RUSC1: variants seen among roughly 807,000 people sequenced by gnomAD.
The protein encoded by RUSC1 is RUN and SH3 domain containing 1, also known as AP-4 complex accessory subunit RUSC1.
A neutral mutation model predicts 72.1 loss-of-function variants in RUSC1; 40 were observed. That is an observed-to-expected ratio of 0.55 (90% CI 0.43 to 0.72). RUSC1 has a LOEUF of 0.72. RUSC1 is among the 30% of genes least tolerant of loss of function. The pLI is 0.00. For synonymous variants in RUSC1, 512 were observed against 494.2 expected, an observed-to-expected ratio of 1.04 and a Z score of -0.48; for missense variants, 1,092 against 1,172.3, an observed-to-expected ratio of 0.93 and a Z score of 1.00.
At chr1:155,321,482 G>T (rs767563252) in intron 1 of RUSC1, 2 of 1,475,022 alleles carry the variant, frequency 1.4e-6, no homozygotes, top group East Asian at 6.0e-5. Context: ...GACCCTCCCG[G>T]CTCCATTCCC....
In RUSC1 at chr1:155,320,945, G is replaced by C. The variant is rs1388726299; in HGVS notation, c.-133G>C. 8 of 1,565,314 alleles carry C rather than the reference G, an allele frequency of 5.1e-6. No individual in the cohort carries two copies. Among genetic ancestry groups the C allele is most frequent in the Non-Finnish European group, 6.9e-6 (8 of 1,153,766 alleles). On this transcript the variant is annotated 5_prime_UTR_variant, in exon 1 of 10. Transcript: ENST00000368352. ...TGTGCCCCGCCGGGCGGGGACCGTG[G>C]GAGCCGCGGACAAGCCCAAGGCCGG...
chr1:155,321,770 C>A lies in RUSC1; in HGVS notation c.-4C>A. ...CTAGAAGCCATCCCATCGCCGCTAGCATCATGCTGTCCCCTCAGAGAGCTT... is the reference window on the plus strand; with the variant it reads ...CTAGAAGCCATCCCATCGCCGCTAGAATCATGCTGTCCCCTCAGAGAGCTT... On this transcript the variant is annotated 5_prime_UTR_variant, in exon 2 of 10. Transcript: ENST00000368352. The A allele has an allele frequency of 1.2e-6, 2 of 1,614,016 alleles. No individual in the cohort carries two copies. Among genetic ancestry groups the A allele is most frequent in the Non-Finnish European group, 1.7e-6 (2 of 1,179,992 alleles).
chr1:155,328,052 C>T, intron 8 of RUSC1, 98 bp from the exon 9 acceptor site: 1 of 1,474,684 alleles, frequency 6.8e-7, no homozygotes, highest in Non-Finnish European at 9.1e-7. Flanking sequence ...TCTTTTGAAC[C>T]ACAATTAGGC....
Position 155,325,775 on chromosome 1 carries a change from C to T in RUSC1, c.1815-89C>T. The T allele has an allele frequency of 6.3e-7, 1 of 1,583,118 alleles. No homozygotes were observed. The highest frequency in any genetic ancestry group is 8.7e-7 in the Non-Finnish European group (1 of 1,152,598). ...CCTCACATCCCCAGAGAAGGCCCCC[C>T]CTCTTCCAATCTCATCTCCCATCCT... On this transcript the variant is annotated intron_variant, in intron 6 of 9. Transcript: ENST00000368352. This position sits in a 1 kb window ranked among gnomAD's most constrained non-coding sequence, Gnocchi z 6.5.
In RUSC1 at chr1:155,329,096, A is replaced by AT. The variant is rs1363161183; in HGVS notation, c.2540+831dup. Among the ~76,000 whole-genome samples the AT allele has an allele frequency of 2.4e-3, 358 of 149,552 alleles. 1 individual carries two copies. The highest frequency in any genetic ancestry group is 8.0e-3 in the African/African-American group (328 of 40,862). On this transcript the variant is annotated intron_variant, in intron 9 of 9. Transcript: ENST00000368352. The stretch of plus-strand genomic sequence containing the variant: ...TTTATGGTTATAGAGACTAAACATA[A>AT]TTTTTTTTTTGAGACAGAGTCTCAC...
chr1:155,330,602 C>T lies in RUSC1; in HGVS notation c.*31C>T, dbSNP rs1267914084. ...GGACCCTTTCCTGCGTATGTGTCTC[C>T]TTCCTGTCACCTGGGAATGGAATGG... On this transcript the variant is annotated 3_prime_UTR_variant, in exon 10 of 10. Coordinates refer to ENST00000368352, the MANE Select transcript of RUSC1 (RefSeq NM_001105203.2). 2.6e-6 allele frequency: 4 copies of T among 1,530,318 alleles called. No individual in the cohort carries two copies. The South Asian group carries it at 3.8e-5, about 15-fold the overall frequency. The allele number at this position is 1,530,318 out of a possible 1,614,324, so 94.8% of individuals were successfully genotyped here. A position where few individuals can be genotyped will look rare whatever the true frequency, so the allele number is the denominator to read the frequency against.
At position 155,326,653 on chromosome 1, in the gene RUSC1, A is replaced by G. The variant is rs145411349; in HGVS notation, c.1935A>G (p.Thr645=). The G allele has an allele frequency of 1.4e-3, 2,209 of 1,613,864 alleles. 3 individuals carry two copies. Among genetic ancestry groups the G allele is most frequent in the Non-Finnish European group, 1.6e-3 (1,944 of 1,180,034 alleles). ...LARGGCPSLS[T]ELLLLLQPLS... ...GCGGTGGTTGTCCCTCCCTGTCCACAGAGCTGCTGCTCCTGCTGCAGCCAT... is the reference window on the plus strand; with the variant it reads ...GCGGTGGTTGTCCCTCCCTGTCCACGGAGCTGCTGCTCCTGCTGCAGCCAT... The change falls in exon 8 of 10, where the codon ACA becomes ACG. Residue 645 remains threonine (T), a synonymous_variant. Transcript: ENST00000368352. This position sits in a 1 kb window ranked among gnomAD's most constrained non-coding sequence, Gnocchi z 4.7.
chr1:155,325,511 A>AC lies in RUSC1; in HGVS notation c.1708+24dup. On this transcript the variant is annotated intron_variant, in intron 5 of 9. Transcript: ENST00000368352. This position sits in a 1 kb window ranked among gnomAD's most constrained non-coding sequence, Gnocchi z 6.5. ...GCCAGGTGAGCCAGGAGGGCGTGGG[A>AC]CCCGGCAGTGCGCAGGGCAGGGCCG... 3 of 1,601,662 alleles carry AC rather than the reference A, an allele frequency of 1.9e-6. No individual in the cohort carries two copies. Among genetic ancestry groups the AC allele is most frequent in the Non-Finnish European group, 2.5e-6 (3 of 1,177,008 alleles).
In RUSC1 at chr1:155,326,596, G is replaced by C; in HGVS notation, c.1878G>C (p.Leu626=). 1.2e-6 allele frequency: 2 copies of C among 1,612,618 alleles called. No homozygotes were observed. Among genetic ancestry groups the C allele is most frequent in the Non-Finnish European group, 1.7e-6 (2 of 1,179,168 alleles). ...LQEDAGLLSL[L]YLPTGFFSLA... ...CTTTTCCAGGCCTGCTCTCCCTCCTGTACCTGCCAACAGGATTTTTCTCCC... is the reference window on the plus strand; with the variant it reads ...CTTTTCCAGGCCTGCTCTCCCTCCTCTACCTGCCAACAGGATTTTTCTCCC... The change falls in exon 8 of 10, where the codon CTG becomes CTC. Residue 626 remains leucine, a synonymous_variant. Coordinates refer to ENST00000368352, the MANE Select transcript of RUSC1 (RefSeq NM_001105203.2). This position sits in a 1 kb window ranked among gnomAD's most constrained non-coding sequence, Gnocchi z 4.7.
intron 9 of RUSC1, among the ~76,000 whole-genome samples, 190 bp from the exon 10 acceptor site, chr1:155,330,213 G>A (rs1261693810): frequency 6.6e-6 from 1 of 152,130 alleles, no homozygotes; most frequent in Non-Finnish European, 1.5e-5. Flanking sequence ...GCTGGAGTGG[G>A]TTTGCCACTC....
rs771809865 is a variant in RUSC1 at position 155,322,828 on chromosome 1, T to TC, written c.1062dup (p.Ser355LeufsTer101). 1.1e-5 allele frequency: 17 copies of TC among 1,611,058 alleles called. No homozygotes were observed. The highest frequency in any genetic ancestry group is 2.2e-5 in the East Asian group (1 of 44,770). On this transcript the variant is annotated frameshift_variant, in exon 2 of 10. Coordinates refer to ENST00000368352, the MANE Select transcript of RUSC1 (RefSeq NM_001105203.2). LOFTEE classifies it high-confidence loss of function. ...ATAGTCTTCTCGCCCGACACCGAGC[T>TC]CCCCCCCTCGGGGTCGCCGGGCGGC...
In RUSC1 at chr1:155,322,663, G is replaced by C; in HGVS notation, c.890G>C (p.Gly297Ala). 6.2e-7 allele frequency: 1 copy of C among 1,614,246 alleles called. No homozygotes were observed. The highest frequency in any genetic ancestry group is 1.1e-5 in the South Asian group (1 of 91,086). The change falls in exon 2 of 10, where the codon GGA (glycine) becomes GCA (alanine). Residue 297 changes from glycine to alanine, a missense_variant. Coordinates refer to ENST00000368352, the MANE Select transcript of RUSC1 (RefSeq NM_001105203.2). ...GSKTDAGKID[G>A]GWRSDVSEEP... ...AAAACAGATGCAGGGAAAATTGATG[G>C]AGGATGGAGAAGTGACGTCAGCGAG...
Position 155,325,331 on chromosome 1 carries a change from A to G in RUSC1, c.1549A>G (p.Ser517Gly), listed in dbSNP as rs1332718134. Reference protein sequence around the residue: ...NLVQKAQLGDSRLSPDVGHLV... With the variant: ...NLVQKAQLGDGRLSPDVGHLV... Reference sequence around the variant, plus strand: ...CCACCTCCAGGCCCAGTTGGGTGATAGCCGGCTGAGCCCGGATGTGGGGCA... The same window carrying G: ...CCACCTCCAGGCCCAGTTGGGTGATGGCCGGCTGAGCCCGGATGTGGGGCA... The change falls in exon 5 of 10, where the codon AGC (serine) becomes GGC (glycine). Residue 517 changes from serine to glycine, a missense_variant. Ser to Gly is a moderately conservative substitution (Grantham distance 56). Coordinates refer to ENST00000368352, the MANE Select transcript of RUSC1 (RefSeq NM_001105203.2). This position sits in a 1 kb window ranked among gnomAD's most constrained non-coding sequence, Gnocchi z 6.5. 2 of 1,601,142 alleles carry G rather than the reference A, an allele frequency of 1.2e-6. No homozygotes were observed. The highest frequency in any genetic ancestry group is 1.7e-6 in the Non-Finnish European group (2 of 1,178,312).
At position 155,326,520 on chromosome 1, in the gene RUSC1, T is replaced by C; in HGVS notation, c.1862-60T>C. On this transcript the variant is annotated intron_variant, in intron 7 of 9. Coordinates refer to ENST00000368352, the MANE Select transcript of RUSC1 (RefSeq NM_001105203.2). The surrounding 1 kb of genome is among the most constrained non-coding windows in gnomAD (Gnocchi z 4.7). Reference sequence around the variant, plus strand: ...ATGTGTGCTGACTGGTGGGCTGCTCTGGGGGGTCTTCTGGGACTAGGTCCA... The same window carrying C: ...ATGTGTGCTGACTGGTGGGCTGCTCCGGGGGGTCTTCTGGGACTAGGTCCA... 6.5e-7 allele frequency: 1 copy of C among 1,527,800 alleles called. No homozygotes were observed. Among genetic ancestry groups the C allele is most frequent in the Non-Finnish European group, 8.9e-7 (1 of 1,126,986 alleles). The allele number at this position is 1,527,800 out of a possible 1,614,324, so 94.6% of individuals were successfully genotyped here.
rs1651920934 is a variant in RUSC1, at chr1:155,330,589, G to A, written c.*18G>A. The A allele has an allele frequency of 1.3e-6, 2 of 1,551,904 alleles. No homozygotes were observed. The highest frequency in any genetic ancestry group is 8.7e-7 in the Non-Finnish European group (1 of 1,145,798). On this transcript the variant is annotated 3_prime_UTR_variant, in exon 10 of 10. Coordinates refer to ENST00000368352, the MANE Select transcript of RUSC1 (RefSeq NM_001105203.2). ...TTCTGTAGCCCTGGGACCCTTTCCTGCGTATGTGTCTCCTTCCTGTCACCT... is the reference window on the plus strand; with the variant it reads ...TTCTGTAGCCCTGGGACCCTTTCCTACGTATGTGTCTCCTTCCTGTCACCT...
At position 155,322,889 on chromosome 1, in the gene RUSC1, G is replaced by A. The variant is rs1650739513; in HGVS notation, c.1116G>A (p.Lys372=). 1 of 1,610,966 alleles carries A rather than the reference G, an allele frequency of 6.2e-7. No homozygotes were observed. The change falls in exon 2 of 10, where the codon AAG becomes AAA. Residue 372 remains lysine (K), a synonymous_variant. Coordinates refer to ENST00000368352, the MANE Select transcript of RUSC1 (RefSeq NM_001105203.2). ...SAPPREVTTF[K]ELRSRSRAPA... is the part of the protein sequence containing the mutation. ...CTCCTCGGGAAGTCACCACCTTCAA[G>A]GAACTCCGGTCCCGAAGCCGGGCCC... is the stretch of plus-strand genomic sequence containing the variant.
intron 2 of RUSC1, chr1:155,324,263 G>A (rs539270168): frequency 2.0e-6 from 3 of 1,495,990 alleles, no homozygotes; most frequent in Middle Eastern, 1.9e-4. Flanking sequence ...CCCTCTCCGC[G>A]AGTCCAGTCC....
At position 155,325,255 on chromosome 1, in the gene RUSC1, G is replaced by A; in HGVS notation, c.1534-61G>A. 6.2e-7 allele frequency: 1 copy of A among 1,610,082 alleles called. No homozygotes were observed. The highest frequency in any genetic ancestry group is 8.5e-7 in the Non-Finnish European group (1 of 1,179,808). ...GCGGGGGGTGCGGGAATGGTTGGCGGGAGGTGGCTGGGAGGTGTCTGGAGG... is the reference window on the plus strand; with the variant it reads ...GCGGGGGGTGCGGGAATGGTTGGCGAGAGGTGGCTGGGAGGTGTCTGGAGG... On this transcript the variant is annotated intron_variant, in intron 4 of 9. Transcript: ENST00000368352. This position sits in a 1 kb window ranked among gnomAD's most constrained non-coding sequence, Gnocchi z 6.5.
chr1:155,321,373 C>A (rs778241862), intron 1 of RUSC1: 73 of 1,380,456 alleles, frequency 5.3e-5, no homozygotes, highest in Non-Finnish European at 6.4e-5. Context: ...GAGGGCAGGG[C>A]CAGATTGCGG....
Sources: gnomAD v4.1 joint callset for allele counts (sites outside exome capture counted in the v4.1 genomes callset) on GRCh38, gnomAD v4.1.1 for gene constraint, Gnocchi (gnomAD v3.1) non-coding constraint, MANE v1.5 for transcripts, NCBI Gene and HGNC (gene_info 2026-07-23, HGNC 2026-07-21) for gene names.